GNG7: variants seen among roughly 807,000 people sequenced by gnomAD.
GNG7 encodes G protein subunit gamma 7, also known as guanine nucleotide-binding protein G(I)/G(S)/G(O) subunit gamma-7.
Under a neutral mutation model 4.0 loss-of-function variants are expected in GNG7, and 1 was observed. That is an observed-to-expected ratio of 0.25 (90% CI 0.09 to 1.18). The LOEUF is 1.18. Ranked by LOEUF, GNG7 falls within the 50% of genes most tolerant of loss-of-function variation. The pLI is 0.50. For missense variants in GNG7, 86 were observed against 91.9 expected, an observed-to-expected ratio of 0.94 and a Z score of 0.26; for synonymous variants, 34 against 36.9, an observed-to-expected ratio of 0.92 and a Z score of 0.29.
intron 1 of GNG7, among the ~76,000 whole-genome samples, chr19:2,648,365 C>T (rs139153592): frequency 1.3e-5 from 2 of 152,178 alleles, no homozygotes; most frequent in East Asian, 3.9e-4. Context: ...CACTGCACTC[C>T]AGCCTGGGCA....
intron 3 of GNG7, among the ~76,000 whole-genome samples, chr19:2,543,852 G>T (rs1979042002): frequency 6.6e-6 from 1 of 152,104 alleles, no homozygotes; most frequent in Non-Finnish European, 1.5e-5. Flanking sequence ...CTTGAAGGCG[G>T]GAGGGGCGGC....
intron 1 of GNG7, among the ~76,000 whole-genome samples, chr19:2,671,791 T>TTTTA (rs1306316830): frequency 4.6e-5 from 7 of 151,760 alleles, no homozygotes; most frequent in Non-Finnish European, 5.9e-5. Context: ...ATTTTATTTT[T>TTTTA]TTTTAAGATG....
intron 2 of GNG7, among the ~76,000 whole-genome samples, chr19:2,580,787 C>A (rs1159025792): frequency 6.7e-6 from 1 of 149,942 alleles, no homozygotes; most frequent in Non-Finnish European, 1.5e-5. Context: ...TTTTTTGAGA[C>A]AGAGTCTTAG....
intron 2 of GNG7, among the ~76,000 whole-genome samples, chr19:2,600,398 A>G (rs1981163224): frequency 6.6e-6 from 1 of 151,814 alleles, no homozygotes; most frequent in South Asian, 2.1e-4. Flanking sequence ...ATCAAACGTC[A>G]TGCAACCTCT....
chr19:2,586,842 G>A (rs111523905), intron 2 of GNG7, among the ~76,000 whole-genome samples: 7 of 151,912 alleles, frequency 4.6e-5, no homozygotes, highest in South Asian at 4.2e-4. Context: ...AAAATTAGCC[G>A]GGTGTGGTGT....
At chr19:2,573,974 G>A (rs995034104) in intron 2 of GNG7, among the ~76,000 whole-genome samples, 12 of 152,232 alleles carry the variant, frequency 7.9e-5, no homozygotes, top group African/African-American at 2.7e-4. Context: ...GGGTGCCACG[G>A]ACCAGCTGCT....
chr19:2,581,446 G>C (rs1393733886), intron 2 of GNG7, among the ~76,000 whole-genome samples: 3 of 152,112 alleles, frequency 2.0e-5, no homozygotes, highest in Non-Finnish European at 4.4e-5. Flanking sequence ...CCAAACCACA[G>C]GGGGGTGAGA....
intron 1 of GNG7, among the ~76,000 whole-genome samples, chr19:2,685,966 C>T (rs1472601525): frequency 2.0e-5 from 3 of 152,216 alleles, no homozygotes; most frequent in South Asian, 2.1e-4. Context: ...GGCCCAGTTT[C>T]ACTTTCCAAG....
rs191897970 is a variant in GNG7, at chr19:2,570,901, G to A, written c.-77-15713C>T. Among the ~76,000 whole-genome samples the A allele has an allele frequency of 8.5e-4, 129 of 152,076 alleles. 1 individual carries two copies. The highest frequency in any genetic ancestry group is 2.9e-3 in the African/African-American group (120 of 41,484). Reference sequence around the variant, plus strand: ...CAGCCTTGACCTCCTGAGCTCAACCGATCCTCCTGCCTCAGCCTCCCCAGT... The same window carrying A: ...CAGCCTTGACCTCCTGAGCTCAACCAATCCTCCTGCCTCAGCCTCCCCAGT... On this transcript the variant is annotated intron_variant, in intron 2 of 4. Coordinates refer to ENST00000382159, the MANE Select transcript of GNG7 (RefSeq NM_052847.3).
At chr19:2,583,861 G>A (rs1033329468) in intron 2 of GNG7, among the ~76,000 whole-genome samples, 4 of 152,004 alleles carry the variant, frequency 2.6e-5, no homozygotes, top group Non-Finnish European at 5.9e-5. Context: ...ATCCATATTT[G>A]ATAATGTGGA....
rs1014409406 is a variant in GNG7 at position 2,590,520 on chromosome 19, C to T, written c.-77-35332G>A. 8.9e-5 allele frequency among the ~76,000 whole-genome samples: 13 copies of T among 145,404 alleles called. 1 individual carries two copies. The South Asian group carries it at 2.3e-3, about 26-fold the overall frequency. ...ATCCATCCATCCATCCATCCACCCACCCATCCACCCACCCAACCAACCATC... is the reference window on the plus strand; with the variant it reads ...ATCCATCCATCCATCCATCCACCCATCCATCCACCCACCCAACCAACCATC... On this transcript the variant is annotated intron_variant, in intron 2 of 4. Transcript: ENST00000382159.
In GNG7 at chr19:2,648,099, A is replaced by C. The variant is rs183296157; in HGVS notation, c.-134-1819T>G. 4.2e-4 allele frequency among the ~76,000 whole-genome samples: 64 copies of C among 151,972 alleles called. No individual in the cohort carries two copies. In the East Asian group the frequency reaches 0.012, roughly 28 times the overall value. On this transcript the variant is annotated intron_variant, in intron 1 of 4. Coordinates refer to ENST00000382159, the MANE Select transcript of GNG7 (RefSeq NM_052847.3). ...CCTAAAACAGAAAAAGGACATTAGAAGAAAAAAACCGTGAAACTGGGATAA... is the reference window on the plus strand; with the variant it reads ...CCTAAAACAGAAAAAGGACATTAGACGAAAAAAACCGTGAAACTGGGATAA...
intron 2 of GNG7, among the ~76,000 whole-genome samples, chr19:2,581,300 G>A (rs1339711666): frequency 6.7e-6 from 1 of 149,142 alleles, no homozygotes; most frequent in Non-Finnish European, 1.5e-5. Flanking sequence ...ACTGATGGGG[G>A]GGGCCGCGGG....
intron 2 of GNG7, among the ~76,000 whole-genome samples, chr19:2,577,514 G>A (rs1980377103): frequency 6.6e-6 from 1 of 151,992 alleles, no homozygotes; most frequent in African/African-American, 2.4e-5. Flanking sequence ...GAACCAGCAG[G>A]GGAGTGTCTT....
At chr19:2,651,307 C>T (rs1374949561) in intron 1 of GNG7, among the ~76,000 whole-genome samples, 18 of 81,978 alleles carry the variant, frequency 2.2e-4, no homozygotes, top group African/African-American at 9.3e-4. Context: ...CCTACCTTCC[C>T]TCCATCCCTC....
chr19:2,662,225 A>G (rs1308844235), intron 1 of GNG7, among the ~76,000 whole-genome samples: 2 of 141,902 alleles, frequency 1.4e-5, no homozygotes, highest in African/African-American at 2.6e-5. Context: ...GCACCATTGC[A>G]CTCCAGTCTG....
At position 2,562,686 on chromosome 19, in the gene GNG7, CA is replaced by C. The variant is rs1394913844; in HGVS notation, c.-77-7499del. Among the ~76,000 whole-genome samples, 18 of 152,268 alleles carry C rather than the reference CA, an allele frequency of 1.2e-4. No individual in the cohort carries two copies. In the South Asian group the frequency reaches 3.3e-3, roughly 28 times the overall value. On this transcript the variant is annotated intron_variant, in intron 2 of 4. Coordinates refer to ENST00000382159, the MANE Select transcript of GNG7 (RefSeq NM_052847.3). Reference sequence around the variant, plus strand: ...AGACATTTACTGAGTGTACCCTGGTCAGGGGGGACAGGATCGCTCCCAGCGT... The same window carrying C: ...AGACATTTACTGAGTGTACCCTGGTCGGGGGGACAGGATCGCTCCCAGCGT...
At chr19:2,638,605 C>T (rs1291152351) in intron 2 of GNG7, among the ~76,000 whole-genome samples, 1 of 147,536 alleles carries the variant, frequency 6.8e-6, no homozygotes, top group Non-Finnish European at 1.5e-5. Context: ...CTCCTGGGCA[C>T]TGTAGACATT....
At position 2,667,867 on chromosome 19, in the gene GNG7, A is replaced by T. The variant is rs181866640; in HGVS notation, c.-134-21587T>A. On this transcript the variant is annotated intron_variant, in intron 1 of 4. Transcript: ENST00000382159. ...GAGGCAGAGATTACAGTGAGCCGAG[A>T]TTGCACCACTGTACTCCAGCCTGGG... 5.0e-3 allele frequency among the ~76,000 whole-genome samples: 767 copies of T among 152,220 alleles called. 11 individuals are homozygous for T. Among genetic ancestry groups the T allele is most frequent in the African/African-American group, 0.018 (738 of 41,528 alleles).
Sources: allele counts gnomAD v4.1 joint callset (sites outside exome capture counted in the v4.1 genomes callset), GRCh38; gene constraint gnomAD v4.1.1; transcripts MANE v1.5; gene names NCBI Gene and HGNC (gene_info 2026-07-23, HGNC 2026-07-21).